Variants in UTP14A observed in about 807,000 individuals in gnomAD.
UTP14A encodes the protein U3 small nucleolar RNA-associated protein 14 homolog A.
In UTP14A, 5 loss-of-function variants were observed where a neutral mutation model predicts 57.2. The ratio of observed to expected loss-of-function variants is 0.09; its 90% confidence interval spans 0.05 to 0.18. The LOEUF (loss-of-function observed/expected upper bound fraction) is 0.18. Ranked by LOEUF, UTP14A falls within the 10% of genes least tolerant of loss-of-function variation. The pLI is 1.00. For synonymous variants in UTP14A, 169 were observed against 210.9 expected (o/e 0.80, Z 1.72); for missense variants, 430 against 562.1 (o/e 0.76, Z 2.38).
intron 6 of UTP14A, among the ~76,000 whole-genome samples, chrX:129,915,595 G>GTA (rs1410206511): frequency 1.8e-5 from 2 of 109,914 alleles, no homozygotes; most frequent in Non-Finnish European, 3.8e-5. Context: ...AACTTAGGGT[G>GTA]TACAAACTGA....
At chrX:129,925,499 T>C (rs1930070412) in intron 12 of UTP14A, among the ~76,000 whole-genome samples, 1 of 111,727 alleles carries the variant, frequency 9.0e-6, no homozygotes. Flanking sequence ...AGGTGAGTCA[T>C]TGAACTGTTG....
chrX:129,909,251 C>G (rs1832383782), intron 4 of UTP14A, among the ~76,000 whole-genome samples: 2 of 102,895 alleles, frequency 1.9e-5, no homozygotes, highest in Non-Finnish European at 4.0e-5. Context: ...ACTCTATCGC[C>G]CAGGCTGGAG....
chrX:129,907,908 A>C, intron 2 of UTP14A, 152 bp from the exon 3 acceptor site: 1 of 492,806 alleles, frequency 2.0e-6, no homozygotes, highest in Non-Finnish European at 3.4e-6. Context: ...GTGAGCCAAG[A>C]TAACACCACT....
chrX:129,921,615 A>G (rs1308255954), intron 11 of UTP14A, 28 bp downstream of exon 11: 5 of 1,194,444 alleles, frequency 4.2e-6, no homozygotes, highest in African/African-American at 1.8e-5. Context: ...GGAAGAGGGA[A>G]ATTCCTAGTG....
At chrX:129,925,547 A>G in intron 12 of UTP14A, among the ~76,000 whole-genome samples, 1 of 110,876 alleles carries the variant, frequency 9.0e-6, no homozygotes. Context: ...ATGGTCTAAG[A>G]CTCCCCAGTT....
At chrX:129,919,548 C>T in intron 8 of UTP14A, 59 bp downstream of exon 8, 1 of 1,142,104 alleles carries the variant, frequency 8.8e-7, no homozygotes, top group Non-Finnish European at 1.2e-6. Flanking sequence ...TGTGGTTCAT[C>T]ATGAATTCTT....
At chrX:129,926,434 G>T in intron 14 of UTP14A, 95 bp downstream of exon 14, 4 of 754,839 alleles carry the variant, frequency 5.3e-6, no homozygotes, top group Non-Finnish European at 7.9e-6. Context: ...CAAGAGAGAC[G>T]TGTGATCTTG....
intron 14 of UTP14A, among the ~76,000 whole-genome samples, chrX:129,928,904 A>G (rs1930214007): frequency 9.0e-6 from 1 of 111,196 alleles, no homozygotes; most frequent in Non-Finnish European, 1.9e-5. Flanking sequence ...CTCTGGGACA[A>G]CAGCCCTGGA....
chrX:129,910,281 T>C (rs1367284279), intron 4 of UTP14A, among the ~76,000 whole-genome samples: 1 of 111,636 alleles, frequency 9.0e-6, no homozygotes, highest in Non-Finnish European at 1.9e-5. Context: ...CAGATGGGGA[T>C]TAGATCTCAT....
intron 14 of UTP14A, among the ~76,000 whole-genome samples, chrX:129,926,683 G>A (rs982307814): frequency 2.7e-5 from 3 of 112,222 alleles, no homozygotes; most frequent in African/African-American, 9.7e-5. Flanking sequence ...GTTTACAAGA[G>A]AAGAAAATTT....
Position 129,907,289 on chromosome X carries a change from T to A in UTP14A, c.27-78T>A, listed in dbSNP as rs766207666. On this transcript the variant is annotated intron_variant, in intron 1 of 14. Coordinates refer to ENST00000394422, the MANE Select transcript of UTP14A (RefSeq NM_006649.4). ...TTTCTTTTTTTAATTTCGACTTTTA[T>A]TATAATTAAGGGATACATATGCAGG... The A allele has an allele frequency of 1.4e-5, 11 of 795,799 alleles. No homozygotes were observed. The African/African-American group carries it at 1.5e-4, about 11-fold the overall frequency. 65.6% of individuals were successfully genotyped at this position (795,799 alleles called of 1,213,427 possible).
chrX:129,908,079 G>T lies in UTP14A; in HGVS notation c.122G>T (p.Arg41Ile), dbSNP rs201734952. ...TCTTAGGGGGACAATGATGGAGAGA[G>T]AAAGCATCAAAAGCTTCTGGAAGCA... ...SEDEGDNDGE[R>I]KHQKLLEAIS... The change falls in exon 3 of 15, where the codon AGA (arginine) becomes ATA (isoleucine). Residue 41 changes from arginine (R) to isoleucine (I), a missense_variant. By Grantham distance (97) the Arg-to-Ile change is moderately conservative. Transcript: ENST00000394422. 2 of 1,207,294 alleles carry T rather than the reference G, an allele frequency of 1.7e-6. No individual in the cohort carries two copies. Among genetic ancestry groups the T allele is most frequent in the African/African-American group, 1.8e-5 (1 of 56,990 alleles).
At chrX:129,907,267 CT>C (rs1188993045) in intron 1 of UTP14A, 99 bp from the exon 2 acceptor site, 17 of 647,271 alleles carry the variant, frequency 2.6e-5, no homozygotes, top group Non-Finnish European at 3.6e-5. Context: ...AATAATATTT[CT>C]TTTTTTAATT....
At chrX:129,907,864 G>A (rs1569334987) in intron 2 of UTP14A, among the ~76,000 whole-genome samples, 196 bp from the exon 3 acceptor site, 1 of 111,841 alleles carries the variant, frequency 8.9e-6, no homozygotes, top group Non-Finnish European at 1.9e-5. Flanking sequence ...GCTGAGGCAG[G>A]AGAATGGCAT....
intron 12 of UTP14A, among the ~76,000 whole-genome samples, chrX:129,925,658 C>T (rs1006758554): frequency 8.9e-6 from 1 of 112,372 alleles, no homozygotes; most frequent in African/African-American, 3.2e-5. Context: ...GCTGCTAACA[C>T]GGGCCATTCC....
chrX:129,912,667 A>G (rs1929526291), intron 6 of UTP14A, among the ~76,000 whole-genome samples: 2 of 111,182 alleles, frequency 1.8e-5, no homozygotes, highest in Admixed American at 1.9e-4. Flanking sequence ...GGAATACCGC[A>G]TTAAAATATA....
chrX:129,923,963 CT>C (rs764398386), intron 11 of UTP14A, among the ~76,000 whole-genome samples: 234 of 101,363 alleles, frequency 2.3e-3, no homozygotes, highest in Middle Eastern at 5.2e-3. Flanking sequence ...CAATATGCTA[CT>C]TTTTTTTTTT....
intron 6 of UTP14A, among the ~76,000 whole-genome samples, chrX:129,917,770 A>C (rs371843996): frequency 2.7e-5 from 3 of 110,514 alleles, no homozygotes; most frequent in African/African-American, 6.6e-5. Context: ...GGGCTCAAGC[A>C]ATCCTCCTGC....
rs1046672604 is a variant in UTP14A at position 129,925,908 on chromosome X, T to C, written c.1750-11T>C. 7 of 1,207,772 alleles carry C rather than the reference T, an allele frequency of 5.8e-6. No individual in the cohort carries two copies. Among genetic ancestry groups the C allele is most frequent in the Non-Finnish European group, 7.8e-6 (7 of 894,286 alleles). On this transcript the variant is annotated splice_polypyrimidine_tract_variant and intron_variant, in intron 12 of 14. Coordinates refer to ENST00000394422, the MANE Select transcript of UTP14A (RefSeq NM_006649.4). Reference sequence around the variant, plus strand: ...TAAGCCAAGCTGTAGCTCTCGCTTGTTTCTTCCCAGGAAGATGAAGAGGAG... The same window carrying C: ...TAAGCCAAGCTGTAGCTCTCGCTTGCTTCTTCCCAGGAAGATGAAGAGGAG...
Sources: gnomAD v4.1 joint callset for allele counts (sites outside exome capture counted in the v4.1 genomes callset) on GRCh38, gnomAD v4.1.1 for gene constraint, MANE v1.5 for transcripts, NCBI Gene and HGNC (gene_info 2026-07-23, HGNC 2026-07-21) for gene names.